LUZP2: variants seen among roughly 807,000 people sequenced by gnomAD.
The protein encoded by LUZP2 is leucine zipper protein 2.
A neutral mutation model predicts 51.6 loss-of-function variants in LUZP2; 52 were observed. The observed-to-expected ratio is 1.01, with a 90% CI of 0.81 to 1.27. The LOEUF (loss-of-function observed/expected upper bound fraction) is 1.27, where lower values mean the gene tolerates loss of function less well. Among genes scored for constraint, LUZP2 ranks in the 50% most tolerant of loss-of-function variants. The pLI is 0.00. For missense variants in LUZP2, 436 were observed against 395.4 expected (o/e 1.10, Z -0.87); for synonymous variants, 154 against 137.3 (o/e 1.12, Z -0.85).
chr11:24,650,691 G>T (rs555946542), intron 1 of LUZP2, among the ~76,000 whole-genome samples: 2 of 151,970 alleles, frequency 1.3e-5, no homozygotes, highest in Non-Finnish European at 2.9e-5. Flanking sequence ...ACATAATCCC[G>T]TGAGATTTCG....
chr11:25,080,580 T>C lies in LUZP2; in HGVS notation c.*1922T>C, dbSNP rs1859435205. On this transcript the variant is annotated 3_prime_UTR_variant, in exon 12 of 12. Coordinates refer to ENST00000336930, the MANE Select transcript of LUZP2 (RefSeq NM_001009909.4). ...AAGGTCTGAGGTTTCTTCTGACTCC[T>C]TCATATTTCTAAAAATAATCATACA... The C allele has an allele frequency of 6.6e-6, 1 of 152,220 alleles. No homozygotes were observed. The highest frequency in any genetic ancestry group is 1.5e-5 in the Non-Finnish European group (1 of 68,040). 9.4% of individuals were successfully genotyped at this position (152,220 alleles called of 1,614,324 possible). A position where few individuals can be genotyped will look rare whatever the true frequency, so the allele number is the denominator to read the frequency against.
At chr11:25,051,301 A>T (rs1384031091) in intron 10 of LUZP2, among the ~76,000 whole-genome samples, 1 of 151,756 alleles carries the variant, frequency 6.6e-6, no homozygotes. Flanking sequence ...TGGGCGACAG[A>T]GCGAGACTCC....
At chr11:24,612,746 T>C (rs1166072893) in intron 1 of LUZP2, among the ~76,000 whole-genome samples, 1 of 152,102 alleles carries the variant, frequency 6.6e-6, no homozygotes, top group Non-Finnish European at 1.5e-5. Context: ...CTTTACATGA[T>C]TAGTTGTGTT....
chr11:24,531,666 G>A (rs1353320013), intron 1 of LUZP2, among the ~76,000 whole-genome samples: 1 of 150,798 alleles, frequency 6.6e-6, no homozygotes, highest in Non-Finnish European at 1.5e-5. Context: ...TCACATATGA[G>A]TGAGAACATG....
At chr11:24,974,909 T>C (rs1433655457) in intron 7 of LUZP2, among the ~76,000 whole-genome samples, 1 of 152,024 alleles carries the variant, frequency 6.6e-6, no homozygotes, top group Non-Finnish European at 1.5e-5. Context: ...AACATATGAT[T>C]TTTAAATCAA....
At chr11:24,566,333 T>TA (rs1289529803) in intron 1 of LUZP2, among the ~76,000 whole-genome samples, 1,441 of 120,416 alleles carry the variant, frequency 0.012, 10 homozygotes, top group Non-Finnish European at 0.018. Context: ...TTTATTTTTT[T>TA]TTTTTTTTTT....
intron 1 of LUZP2, among the ~76,000 whole-genome samples, chr11:24,570,246 GAT>G (rs1852389553): frequency 8.2e-6 from 1 of 122,298 alleles, no homozygotes; most frequent in African/African-American, 3.4e-5. Context: ...TCTAGAAAGA[GAT>G]GTGTTGATAT....
intron 5 of LUZP2, among the ~76,000 whole-genome samples, chr11:24,824,965 G>A (rs77249303): frequency 0.038 from 5,801 of 151,866 alleles, 225 homozygotes; most frequent in East Asian, 0.13. Flanking sequence ...TATATTTCAC[G>A]TGAGCTTTAT....
At chr11:24,761,122 T>C (rs1859962465) in intron 4 of LUZP2, among the ~76,000 whole-genome samples, 2 of 152,150 alleles carry the variant, frequency 1.3e-5, no homozygotes, top group African/African-American at 2.4e-5. Flanking sequence ...TATAAAGAAA[T>C]ACCTGAGACT....
In LUZP2 at chr11:24,738,271, C is replaced by T. The variant is rs1043710916; in HGVS notation, c.302C>T (p.Thr101Ile). The T allele has an allele frequency of 1.2e-6, 2 of 1,612,418 alleles. No individual in the cohort carries two copies. The highest frequency in any genetic ancestry group is 1.1e-5 in the South Asian group (1 of 91,012). ...GCCCTGCAAAATCAGCTTAAGGAGA[C>T]ATCAGAGAAAGCAGAAAAACACCAG... The part of the protein sequence containing the change: ...QEALQNQLKE[T>I]SEKAEKHQAT... Residue 101 changes from threonine to isoleucine, a missense_variant, in exon 4 of 12, where the codon ACA becomes ATA. By Grantham distance (89) the Thr-to-Ile change is moderately conservative. Transcript: ENST00000336930.
chr11:25,080,104 T>G lies in LUZP2; in HGVS notation c.*1446T>G, dbSNP rs552473994. On this transcript the variant is annotated 3_prime_UTR_variant, in exon 12 of 12. Coordinates refer to ENST00000336930, the MANE Select transcript of LUZP2 (RefSeq NM_001009909.4). ...TTCAGAATAGTTCAGTGTCATTCAT[T>G]AGCACAGGCAGGTCCCAACCACAAT... is the stretch of plus-strand genomic sequence containing the variant. 1 of 152,330 alleles carries G rather than the reference T, an allele frequency of 6.6e-6. No homozygotes were observed. The highest frequency in any genetic ancestry group is 2.1e-4 in the South Asian group (1 of 4,830). The allele number at this position is 152,330 out of a possible 1,614,324, so 9.4% of individuals were successfully genotyped here.
chr11:24,674,545 T>G (rs1405348220), intron 1 of LUZP2, among the ~76,000 whole-genome samples: 3 of 152,166 alleles, frequency 2.0e-5, no homozygotes, highest in Non-Finnish European at 2.9e-5. Flanking sequence ...TGATCTTTGT[T>G]TTCCCACTAA....
chr11:25,013,427 A>G (rs990479839), intron 9 of LUZP2, among the ~76,000 whole-genome samples: 1 of 152,184 alleles, frequency 6.6e-6, no homozygotes, highest in African/African-American at 2.4e-5. Flanking sequence ...AAATTTTTAC[A>G]TATGAAAATT....
chr11:24,567,693 TG>T (rs1416439769), intron 1 of LUZP2, among the ~76,000 whole-genome samples: 4 of 151,742 alleles, frequency 2.6e-5, no homozygotes, highest in Non-Finnish European at 4.4e-5. Context: ...AACTGTTGAA[TG>T]AAAAAAAATA....
At chr11:25,006,262 G>C (rs1373628787) in intron 9 of LUZP2, among the ~76,000 whole-genome samples, 1 of 152,170 alleles carries the variant, frequency 6.6e-6, no homozygotes, top group African/African-American at 2.4e-5. Flanking sequence ...TTGGAGAAGA[G>C]AGGTGAGAGG....
intron 5 of LUZP2, among the ~76,000 whole-genome samples, chr11:24,766,600 C>A (rs1309633969): frequency 2.0e-5 from 3 of 152,108 alleles, no homozygotes; most frequent in Non-Finnish European, 4.4e-5. Flanking sequence ...TAAGAAAAAT[C>A]TGCATCAAAT....
At chr11:25,037,258 T>C (rs575308515) in intron 9 of LUZP2, among the ~76,000 whole-genome samples, 1 of 152,270 alleles carries the variant, frequency 6.6e-6, no homozygotes, top group Admixed American at 6.5e-5. Context: ...CTGTTTTATG[T>C]GATATAAGAA....
At chr11:24,599,107 C>T (rs775996592) in intron 1 of LUZP2, among the ~76,000 whole-genome samples, 1 of 152,042 alleles carries the variant, frequency 6.6e-6, no homozygotes, top group Non-Finnish European at 1.5e-5. Context: ...AAATGCTGAA[C>T]CTCCCTTGGA....
chr11:24,932,127 C>A (rs1343509275), intron 7 of LUZP2, among the ~76,000 whole-genome samples: 1 of 152,172 alleles, frequency 6.6e-6, no homozygotes, highest in East Asian at 1.9e-4. Context: ...GTCTCTCAGC[C>A]ATGGATAGCA....
Sources: allele counts gnomAD v4.1 joint callset (sites outside exome capture counted in the v4.1 genomes callset), GRCh38; gene constraint gnomAD v4.1.1; transcripts MANE v1.5; gene names NCBI Gene and HGNC (gene_info 2026-07-23, HGNC 2026-07-21).